Variants in STAT5B observed in about 807,000 individuals in gnomAD.
STAT5B encodes transcription factor STAT5B.
STAT5B carries 21 observed loss-of-function variants against 107.8 expected under a neutral mutation model. The ratio of observed to expected loss-of-function variants is 0.19; its 90% CI spans 0.14 to 0.28. The LOEUF (loss-of-function observed/expected upper bound fraction) is 0.28, where lower values mean the gene tolerates loss of function less well. STAT5B is among the 10% of genes least tolerant of loss of function. The probability of loss-of-function intolerance (pLI) is 1.00; values close to 1 mark genes in which losing one functional copy is unlikely to be tolerated. For synonymous variants in STAT5B, 325 were observed against 401.7 expected, an observed-to-expected ratio of 0.81 and a Z score of 2.28; for missense variants, 565 against 1,008.2, an observed-to-expected ratio of 0.56 and a Z score of 5.95.
At chr17:42,243,202 A>G (rs1296679205) in intron 1 of STAT5B, among the ~76,000 whole-genome samples, 3 of 152,060 alleles carry the variant, frequency 2.0e-5, no homozygotes, top group Non-Finnish European at 4.4e-5. Flanking sequence ...AAAAAAATAT[A>G]AAAATTAGTT....
intron 16 of STAT5B, among the ~76,000 whole-genome samples, chr17:42,203,774 G>A (rs549142557): frequency 3.9e-5 from 6 of 151,972 alleles, no homozygotes; most frequent in East Asian, 1.9e-4. Flanking sequence ...TTACAGGTGC[G>A]CACCACCATG....
Position 42,201,253 on chromosome 17 carries a change from CA to C in STAT5B, c.*484del. 1 of 433,532 alleles carries C rather than the reference CA, an allele frequency of 2.3e-6. No individual in the cohort carries two copies. Among genetic ancestry groups the C allele is most frequent in the Non-Finnish European group, 4.1e-6 (1 of 246,004 alleles). The allele number at this position is 433,532 out of a possible 1,614,324, so 26.9% of individuals were successfully genotyped here. On this transcript the variant is annotated 3_prime_UTR_variant, in exon 19 of 19. Coordinates refer to ENST00000293328, the MANE Select transcript of STAT5B (RefSeq NM_012448.4). ...CTACATTTCAGAAGAAAAGCAGAGA[CA>C]ATCACGGTTATATATCAATTGCTTG...
At chr17:42,229,247 T>C (rs931814474) in intron 2 of STAT5B, among the ~76,000 whole-genome samples, 19 of 151,958 alleles carry the variant, frequency 1.3e-4, no homozygotes, top group Non-Finnish European at 5.9e-5. Context: ...CCTCCCGGGT[T>C]CAAGTGATTC....
At chr17:42,204,659 G>C (rs1165352952) in intron 16 of STAT5B, among the ~76,000 whole-genome samples, 1 of 152,226 alleles carries the variant, frequency 6.6e-6, no homozygotes, top group Non-Finnish European at 1.5e-5. Flanking sequence ...CTGTCACATA[G>C]GCTACAGTGC....
chr17:42,285,986 G>A, the STAT5B span, among the ~76,000 whole-genome samples: 61 of 152,204 alleles, frequency 4.0e-4, no homozygotes, highest in East Asian at 0.011. Context: ...TTGGGAGGCC[G>A]AGGCGGGTGG....
intron 12 of STAT5B, 130 bp from the exon 13 acceptor site, chr17:42,212,320 T>C: frequency 6.9e-7 from 1 of 1,459,638 alleles, no homozygotes; most frequent in Non-Finnish European, 9.4e-7. Context: ...GAGGATAAAT[T>C]CAGACTCTGC....
At chr17:42,226,317 G>C (rs191071113) in intron 3 of STAT5B, among the ~76,000 whole-genome samples, 2 of 152,278 alleles carry the variant, frequency 1.3e-5, no homozygotes, top group Admixed American at 6.5e-5. Flanking sequence ...AGATTAAAGA[G>C]ACATGATGAC....
At chr17:42,268,971 A>G (rs2080698330) in intron 1 of STAT5B, among the ~76,000 whole-genome samples, 1 of 152,216 alleles carries the variant, frequency 6.6e-6, no homozygotes, top group Admixed American at 6.5e-5. Context: ...GGCTACAATG[A>G]CATGTATGAA....
chr17:42,225,555 C>A (rs1316460553), intron 3 of STAT5B, among the ~76,000 whole-genome samples: 2 of 152,020 alleles, frequency 1.3e-5, no homozygotes, highest in Non-Finnish European at 2.9e-5. Context: ...GGGCTGGTTC[C>A]AGGACCCACT....
upstream of STAT5B, among the ~76,000 whole-genome samples, chr17:42,277,828 T>A (rs1173336576): frequency 6.6e-6 from 1 of 151,296 alleles, no homozygotes; most frequent in Admixed American, 6.6e-5. Context: ...CGGTCTCAGC[T>A]CACGGCAACC....
chr17:42,284,611 T>C, the STAT5B span, among the ~76,000 whole-genome samples: 2 of 152,174 alleles, frequency 1.3e-5, no homozygotes, highest in Non-Finnish European at 2.9e-5. Context: ...CCCACCTTCA[T>C]GTAAGTGTGC....
chr17:42,248,796 T>C (rs935491964), intron 1 of STAT5B, among the ~76,000 whole-genome samples: 4 of 152,256 alleles, frequency 2.6e-5, no homozygotes, highest in Non-Finnish European at 5.9e-5. Context: ...AAAGGTCAGC[T>C]GCCTCAGACA....
At chr17:42,258,672 C>A (rs1344491194) in intron 1 of STAT5B, among the ~76,000 whole-genome samples, 1 of 152,242 alleles carries the variant, frequency 6.6e-6, no homozygotes, top group Non-Finnish European at 1.5e-5. Context: ...GAGCGAGACT[C>A]CGTCTCAAAA....
intron 1 of STAT5B, among the ~76,000 whole-genome samples, chr17:42,262,921 T>C (rs2080621466): frequency 9.4e-6 from 1 of 106,804 alleles, no homozygotes; most frequent in Non-Finnish European, 2.0e-5. Flanking sequence ...TATATATGTG[T>C]GTATATATAT....
At chr17:42,254,681 G>A (rs776401571) in intron 1 of STAT5B, among the ~76,000 whole-genome samples, 13 of 150,326 alleles carry the variant, frequency 8.6e-5, no homozygotes, top group Admixed American at 1.3e-4. Context: ...AGAAAAATGA[G>A]AATGAAAAAG....
chr17:42,207,765 G>C, intron 15 of STAT5B, 37 bp from the exon 16 acceptor site: 1 of 1,610,306 alleles, frequency 6.2e-7, no homozygotes, highest in Non-Finnish European at 8.5e-7. Context: ...TTCTAAACAT[G>C]ATTTCTGAAT....
In STAT5B at chr17:42,210,233, A is replaced by G; in HGVS notation, c.1844T>C (p.Phe615Ser). 1 of 1,614,210 alleles carries G rather than the reference A, an allele frequency of 6.2e-7. No homozygotes were observed. Among genetic ancestry groups the G allele is most frequent in the Non-Finnish European group, 8.5e-7 (1 of 1,180,038 alleles). ...TTCTGAGTCACTGAATCTCAGGAGG[A>G]AGGTCCCATCTGGCTTGTTAATGAG... ...DLLINKPDGT[F>S]LLRFSDSEIG... The change falls in exon 15 of 19, where the codon TTC (phenylalanine) becomes TCC (serine). Residue 615 changes from phenylalanine to serine, a missense_variant. By Grantham distance (155) the Phe-to-Ser change is radical (BLOSUM62 -2). Coordinates refer to ENST00000293328, the MANE Select transcript of STAT5B (RefSeq NM_012448.4).
chr17:42,288,209 G>A, the STAT5B span: 1 of 152,182 alleles, frequency 6.6e-6, no homozygotes, highest in Non-Finnish European at 1.5e-5. The surrounding 1 kb of genome is among the most constrained non-coding windows in gnomAD (Gnocchi z 4.8). Context: ...ACATTCCCCC[G>A]GCTATTCTGA....
intron 1 of STAT5B, among the ~76,000 whole-genome samples, chr17:42,265,740 A>C (rs2080665233): frequency 6.6e-6 from 1 of 152,202 alleles, no homozygotes; most frequent in Non-Finnish European, 1.5e-5. Context: ...TGAGTATGAA[A>C]GTGCCAGTTT....
Sources: allele counts gnomAD v4.1 joint callset (sites outside exome capture counted in the v4.1 genomes callset), GRCh38; gene constraint gnomAD v4.1.1; non-coding constraint Gnocchi (gnomAD v3.1); transcripts MANE v1.5; gene names NCBI Gene and HGNC (gene_info 2026-07-23, HGNC 2026-07-21).